Variants in BRINP3 observed in about 807,000 individuals in gnomAD.
BRINP3 encodes BMP/retinoic acid inducible neural specific 3.
BRINP3 carries 19 observed loss-of-function variants against 71.0 expected under a neutral mutation model. That is an observed-to-expected ratio of 0.27 (90% CI 0.19 to 0.39). The LOEUF (loss-of-function observed/expected upper bound fraction) is 0.39. BRINP3 is among the 10% of genes least tolerant of loss of function. The pLI is 1.00. For synonymous variants in BRINP3, 380 were observed against 337.7 expected (o/e 1.13, Z -1.37); for missense variants, 959 against 940.8 (o/e 1.02, Z -0.25).
At chr1:190,233,643 A>C (rs1048116319) in intron 5 of BRINP3, among the ~76,000 whole-genome samples, 5 of 152,216 alleles carry the variant, frequency 3.3e-5, no homozygotes, top group African/African-American at 9.6e-5. Flanking sequence ...TACCTCTTTG[A>C]TCAGTCAACT....
intron 4 of BRINP3, among the ~76,000 whole-genome samples, chr1:190,251,964 G>T (rs1403837986): frequency 1.3e-5 from 2 of 151,264 alleles, no homozygotes; most frequent in Non-Finnish European, 2.9e-5. Flanking sequence ...AGATGATTTT[G>T]AAAACATTGA....
intron 2 of BRINP3, among the ~76,000 whole-genome samples, chr1:190,341,152 C>T (rs10920701): frequency 0.016 from 2,379 of 151,926 alleles, 58 homozygotes; most frequent in African/African-American, 0.054. Context: ...TCACACTTCA[C>T]AGAAAAGCAA....
chr1:190,204,252 C>T (rs1312725915), intron 6 of BRINP3, among the ~76,000 whole-genome samples: 1 of 151,472 alleles, frequency 6.6e-6, no homozygotes, highest in Non-Finnish European at 1.5e-5. Context: ...GTTGGTTATA[C>T]CTGGAGTGTC....
At chr1:190,130,054 T>A (rs1201830474) in intron 7 of BRINP3, among the ~76,000 whole-genome samples, 1 of 151,928 alleles carries the variant, frequency 6.6e-6, no homozygotes, top group Non-Finnish European at 1.5e-5. Flanking sequence ...CAGGAAAAAA[T>A]TCTAGCATCG....
At chr1:190,422,719 A>G (rs1673463309) in intron 2 of BRINP3, among the ~76,000 whole-genome samples, 1 of 151,876 alleles carries the variant, frequency 6.6e-6, no homozygotes, top group Admixed American at 6.6e-5. Context: ...GCGTGAGACT[A>G]GGGCAAGAAG....
At chr1:190,375,551 A>G (rs978473953) in intron 2 of BRINP3, among the ~76,000 whole-genome samples, 16 of 151,958 alleles carry the variant, frequency 1.1e-4, no homozygotes, top group African/African-American at 3.9e-4. Flanking sequence ...TCTAATTTAT[A>G]AAAATCTCTA....
Position 190,397,604 on chromosome 1 carries a change from A to G in BRINP3, c.236+57051T>C, listed in dbSNP as rs114433310. Among the ~76,000 whole-genome samples, 800 of 152,080 alleles carry G rather than the reference A, an allele frequency of 5.3e-3. 6 individuals carry two copies. Among genetic ancestry groups the G allele is most frequent in the African/African-American group, 0.017 (724 of 41,512 alleles). ...ACTCCTTAATATAATTATATTCTAA[A>G]TTTTGCATTCCCTGAATCAGAAAGT... On this transcript the variant is annotated intron_variant, in intron 2 of 7. Coordinates refer to ENST00000367462, the MANE Select transcript of BRINP3 (RefSeq NM_199051.3).
intron 2 of BRINP3, among the ~76,000 whole-genome samples, chr1:190,314,206 A>G (rs1033962276): frequency 1.1e-4 from 16 of 152,120 alleles, no homozygotes; most frequent in Non-Finnish European, 2.1e-4. Flanking sequence ...GGAGAATAAT[A>G]GAAAAGTAGG....
intron 6 of BRINP3, among the ~76,000 whole-genome samples, chr1:190,174,358 T>C (rs1652298456): frequency 6.6e-6 from 1 of 152,070 alleles, no homozygotes; most frequent in Non-Finnish European, 1.5e-5. Context: ...AAAGGATGGA[T>C]AGAAAAAATA....
intron 7 of BRINP3, among the ~76,000 whole-genome samples, chr1:190,117,363 C>T (rs892085507): frequency 6.6e-6 from 1 of 151,818 alleles, no homozygotes; most frequent in South Asian, 2.1e-4. Context: ...TATTAAGGAG[C>T]CTATATTCAA....
intron 2 of BRINP3, among the ~76,000 whole-genome samples, chr1:190,353,239 A>G (rs1015420827): frequency 6.6e-6 from 1 of 152,052 alleles, no homozygotes; most frequent in Admixed American, 6.6e-5. Context: ...TCTATAATTA[A>G]TAATACAAAA....
At chr1:190,124,243 T>G (rs1003741377) in intron 7 of BRINP3, among the ~76,000 whole-genome samples, 3 of 152,128 alleles carry the variant, frequency 2.0e-5, no homozygotes, top group Non-Finnish European at 4.4e-5. Context: ...TCTCTTGCTT[T>G]CTGTGAGTGC....
chr1:190,192,746 T>C (rs569799129), intron 6 of BRINP3, among the ~76,000 whole-genome samples: 2 of 152,148 alleles, frequency 1.3e-5, no homozygotes, highest in South Asian at 2.1e-4. Flanking sequence ...ACAGGATAAA[T>C]ACATAGTAAT....
In BRINP3 at chr1:190,444,019, G is replaced by A. The variant is rs76948800; in HGVS notation, c.236+10636C>T. On this transcript the variant is annotated intron_variant, in intron 2 of 7. Transcript: ENST00000367462. ...AGGCTGAGGGTGGCAGATTACCTAAGGTTGGGAGTTCGAGACCAGCCTGAC... is the reference window on the plus strand; with the variant it reads ...AGGCTGAGGGTGGCAGATTACCTAAAGTTGGGAGTTCGAGACCAGCCTGAC... Among the ~76,000 whole-genome samples, 572 of 152,126 alleles carry A rather than the reference G, an allele frequency of 3.8e-3. 4 individuals are homozygous for A. The highest frequency in any genetic ancestry group is 0.013 in the African/African-American group (529 of 41,510).
At chr1:190,239,986 A>T (rs1448354376) in intron 4 of BRINP3, among the ~76,000 whole-genome samples, 5 of 148,876 alleles carry the variant, frequency 3.4e-5, no homozygotes, top group African/African-American at 1.2e-4. Flanking sequence ...AGAATACGTC[A>T]TTTTTTTTTT....
At chr1:190,323,797 G>T (rs1272900281) in intron 2 of BRINP3, among the ~76,000 whole-genome samples, 1 of 151,786 alleles carries the variant, frequency 6.6e-6, no homozygotes, top group African/African-American at 2.4e-5. Flanking sequence ...GATATTGTAA[G>T]AGAAAAATCC....
At chr1:190,186,902 G>T (rs933339250) in intron 6 of BRINP3, among the ~76,000 whole-genome samples, 2 of 152,078 alleles carry the variant, frequency 1.3e-5, no homozygotes, top group Non-Finnish European at 2.9e-5. Flanking sequence ...TATTTTTAAA[G>T]GACTTCCTAG....
chr1:190,369,210 GTTA>G (rs1443651026), intron 2 of BRINP3, among the ~76,000 whole-genome samples: 1 of 152,066 alleles, frequency 6.6e-6, no homozygotes, highest in Non-Finnish European at 1.5e-5. Context: ...ATCTTTTGTT[GTTA>G]TTATAATCGG....
chr1:190,463,749 C>T (rs1676551478), intron 1 of BRINP3, among the ~76,000 whole-genome samples: 1 of 151,824 alleles, frequency 6.6e-6, no homozygotes, highest in South Asian at 2.1e-4. Context: ...TAGTGAAATA[C>T]TGATTACAAT....
Sources: allele counts gnomAD v4.1 joint callset (sites outside exome capture counted in the v4.1 genomes callset), GRCh38; gene constraint gnomAD v4.1.1; transcripts MANE v1.5; gene names NCBI Gene and HGNC (gene_info 2026-07-23, HGNC 2026-07-21).